Variants in KANK2 observed in about 807,000 individuals in gnomAD.
KANK2 encodes the protein KN motif and ankyrin repeat domains 2, also known as KN motif and ankyrin repeat domain-containing protein 2.
Under a neutral mutation model 74.6 loss-of-function variants are expected in KANK2, and 41 were observed. The observed-to-expected ratio is 0.55, with a 90% CI of 0.43 to 0.71. The LOEUF (loss-of-function observed/expected upper bound fraction) is 0.71, where lower values mean the gene tolerates loss of function less well. KANK2 is among the 30% of genes least tolerant of loss of function. The pLI, the probability that KANK2 is intolerant of heterozygous loss-of-function variation, is 0.00. For missense variants in KANK2, 1,148 were observed against 1,196.4 expected (o/e 0.96, Z 0.60); for synonymous variants, 537 against 519.0 (o/e 1.03, Z -0.47).
chr19:11,180,813 C>T (rs1600815069), intron 4 of KANK2, among the ~76,000 whole-genome samples: 1 of 152,074 alleles, frequency 6.6e-6, no homozygotes, highest in South Asian at 2.1e-4. Flanking sequence ...AGGCCGGGCG[C>T]AGTAGCTCAC....
intron 12 of KANK2, chr19:11,169,582 C>T: frequency 1.9e-6 from 1 of 533,000 alleles, no homozygotes; most frequent in Non-Finnish European, 3.3e-6. Flanking sequence ...GCAGGTGGAT[C>T]ACGAGGTCAG....
chr19:11,179,410 G>A (rs907092826), intron 4 of KANK2, among the ~76,000 whole-genome samples: 1 of 151,296 alleles, frequency 6.6e-6, no homozygotes, highest in East Asian at 1.9e-4. Context: ...AGGCTGAGGC[G>A]GGCAGATCAC....
At chr19:11,186,800 G>A (rs996793878) in intron 4 of KANK2, among the ~76,000 whole-genome samples, 1 of 152,226 alleles carries the variant, frequency 6.6e-6, no homozygotes, top group Non-Finnish European at 1.5e-5. Flanking sequence ...TAGGAGTGCG[G>A]ATAGGGACAG....
intron 4 of KANK2, among the ~76,000 whole-genome samples, chr19:11,184,826 T>A (rs2078630789): frequency 6.7e-6 from 1 of 148,938 alleles, no homozygotes; most frequent in African/African-American, 2.5e-5. Context: ...CTTTTTTTTT[T>A]TTGAGATGAA....
chr19:11,178,232 C>T (rs541941414), intron 6 of KANK2, 113 bp downstream of exon 6: 17 of 981,568 alleles, frequency 1.7e-5, no homozygotes, highest in East Asian at 6.5e-5. Flanking sequence ...TTTGATTAAA[C>T]GAATTAACCA....
chr19:11,176,527 A>C (rs762381210), intron 7 of KANK2, 51 bp downstream of exon 7: 2 of 1,518,014 alleles, frequency 1.3e-6, no homozygotes, highest in Non-Finnish European at 1.8e-6. Flanking sequence ...TTTGAGGCAG[A>C]GGTCATCCAC....
chr19:11,166,736 G>A, intron 12 of KANK2, 125 bp from the exon 13 acceptor site: 2 of 849,562 alleles, frequency 2.4e-6, no homozygotes, highest in Non-Finnish European at 3.9e-6. Flanking sequence ...CTGGCCCCAA[G>A]GAGGTGGCGA....
In KANK2 at chr19:11,174,537, G is replaced by A; in HGVS notation, c.2004C>T (p.Asn668=). The A allele has an allele frequency of 6.2e-7, 1 of 1,613,732 alleles. No individual in the cohort carries two copies. Among genetic ancestry groups the A allele is most frequent in the South Asian group, 1.1e-5 (1 of 90,982 alleles). ...YVVNIADSNG[N]TALHYSVSHA... is the part of the protein sequence containing the mutation. The stretch of plus-strand genomic sequence containing the variant: ...GAGACACGGAGTAGTGCAGGGCTGT[G>A]TTGCCGTTGCTGTCGGCGATGTTGA... The change falls in exon 9 of 13, where the codon AAC becomes AAT. Residue 668 remains asparagine, a synonymous_variant. Transcript: ENST00000586659.
At position 11,170,869 on chromosome 19, in the gene KANK2, T is replaced by G. The variant is rs1354621766; in HGVS notation, c.2212-621A>C. Among the ~76,000 whole-genome samples the G allele has an allele frequency of 1.3e-5, 2 of 152,182 alleles. No individual in the cohort carries two copies. Among genetic ancestry groups the G allele is most frequent in the African/African-American group, 4.8e-5 (2 of 41,454 alleles). ...ATGGCGTCTCGCTCTGTCACCAGGC[T>G]GGAGTGCAGTGGCGCAATCTCGGCT... On this transcript the variant is annotated intron_variant, in intron 10 of 12. Transcript: ENST00000586659. The surrounding 1 kb of genome is among the most constrained non-coding windows in gnomAD (Gnocchi z 5.2).
At chr19:11,191,277 G>C (rs548395484) in intron 4 of KANK2, among the ~76,000 whole-genome samples, 1 of 152,144 alleles carries the variant, frequency 6.6e-6, no homozygotes, top group African/African-American at 2.4e-5. Context: ...CTGGCCTCAA[G>C]CGATCCACCT....
At chr19:11,176,526 G>C (rs2078341002) in intron 7 of KANK2, 52 bp downstream of exon 7, 12 of 1,518,934 alleles carry the variant, frequency 7.9e-6, no homozygotes, top group South Asian at 5.3e-5. Flanking sequence ...GTTTGAGGCA[G>C]AGGTCATCCA....
intron 12 of KANK2, among the ~76,000 whole-genome samples, chr19:11,168,528 C>T (rs780629629): frequency 4.0e-5 from 6 of 151,800 alleles, no homozygotes; most frequent in South Asian, 2.1e-4. Context: ...CCTTCCATCT[C>T]GGCCCCACAA....
chr19:11,187,297 A>C (rs541566077), intron 4 of KANK2, among the ~76,000 whole-genome samples: 1 of 152,176 alleles, frequency 6.6e-6, no homozygotes, highest in Non-Finnish European at 1.5e-5. Context: ...AAAAAGTGAT[A>C]AATCAGATTT....
In KANK2 at chr19:11,164,871, G is replaced by A. The variant is rs1213791008; in HGVS notation, c.*1687C>T. 6.6e-6 allele frequency: 1 copy of A among 152,130 alleles called. No individual in the cohort carries two copies. The highest frequency in any genetic ancestry group is 1.5e-5 in the Non-Finnish European group (1 of 68,044). The allele number at this position is 152,130 out of a possible 1,614,324, so 9.4% of individuals were successfully genotyped here. A position where few individuals can be genotyped will look rare whatever the true frequency, so the allele number is the denominator to read the frequency against. The stretch of plus-strand genomic sequence containing the variant: ...GCCAAGAAACCTACTTTTCTAAGGA[G>A]AGAAACCAGTGCTTTGCCTTCTTTA... On this transcript the variant is annotated 3_prime_UTR_variant, in exon 13 of 13. Transcript: ENST00000586659.
intron 12 of KANK2, among the ~76,000 whole-genome samples, chr19:11,167,686 C>A (rs917381599): frequency 1.3e-5 from 2 of 151,952 alleles, no homozygotes; most frequent in African/African-American, 2.4e-5. Context: ...CACCACCACA[C>A]CCAGCTAATT....
chr19:11,176,628 G>A lies in KANK2; in HGVS notation c.1710C>T (p.His570=), dbSNP rs1276072757. The A allele has an allele frequency of 6.2e-7, 1 of 1,612,864 alleles. No homozygotes were observed. The highest frequency in any genetic ancestry group is 1.3e-5 in the African/African-American group (1 of 75,052). The change falls in exon 7 of 13, where the codon CAC becomes CAT. Residue 570 remains histidine, a synonymous_variant. Transcript: ENST00000586659. ...CTGATGCCCCCTCAGCAGTGGGTAT[G>A]TGCTGAGATTCTCGAGACAGCTGAC... ...QECQLSRESQ[H]IPTAEGASGS... is the part of the protein sequence containing the mutation.
rs749122908 is a variant in KANK2 at position 11,193,471 on chromosome 19, C to T, written c.609G>A (p.Glu203=). The T allele has an allele frequency of 1.5e-5, 24 of 1,611,680 alleles. No individual in the cohort carries two copies. The highest frequency in any genetic ancestry group is 1.9e-5 in the Non-Finnish European group (23 of 1,179,916). Residue 203 remains glutamate, a synonymous_variant, in exon 4 of 13, where the codon GAG becomes GAA. Transcript: ENST00000586659. This position sits in a 1 kb window ranked among gnomAD's most constrained non-coding sequence, Gnocchi z 9.6. ...GCACAGGGATCAGCTTCACCTGCTCCTCCAGCTGCCGCAGCTTCCGCAGGG... is the reference window on the plus strand; with the variant it reads ...GCACAGGGATCAGCTTCACCTGCTCTTCCAGCTGCCGCAGCTTCCGCAGGG... ...AGALRKLRQL[E]EQVKLIPVLQ...
At chr19:11,191,694 T>A (rs1052133232) in intron 4 of KANK2, among the ~76,000 whole-genome samples, 7 of 152,144 alleles carry the variant, frequency 4.6e-5, no homozygotes, top group African/African-American at 1.7e-4. Flanking sequence ...TCACTTTCCC[T>A]TGCCTGCCTG....
At chr19:11,180,285 G>A (rs770808323) in intron 4 of KANK2, among the ~76,000 whole-genome samples, 2 of 152,100 alleles carry the variant, frequency 1.3e-5, no homozygotes, top group Non-Finnish European at 2.9e-5. Flanking sequence ...CTTTGTGACA[G>A]GGTCTTGTTA....
Sources: allele counts gnomAD v4.1 joint callset (sites outside exome capture counted in the v4.1 genomes callset), GRCh38; gene constraint gnomAD v4.1.1; non-coding constraint Gnocchi (gnomAD v3.1); transcripts MANE v1.5; gene names NCBI Gene and HGNC (gene_info 2026-07-23, HGNC 2026-07-21).